CDH13: variants seen among roughly 807,000 people sequenced by gnomAD.
CDH13 encodes the protein cadherin-13.
A neutral mutation model predicts 63.8 loss-of-function variants in CDH13; 24 were observed. That is an observed-to-expected ratio of 0.38 (90% CI 0.27 to 0.53). The LOEUF is 0.53. Ranked by LOEUF, CDH13 falls within the 20% of genes least tolerant of loss-of-function variation. The probability of loss-of-function intolerance (pLI) is 0.85; values close to 1 mark genes in which losing one functional copy is unlikely to be tolerated. For synonymous variants in CDH13, 503 were observed against 355.3 expected (o/e 1.42, Z -4.67); for missense variants, 1,049 against 903.1 (o/e 1.16, Z -2.07).
chr16:83,795,322 T>C lies in CDH13; in HGVS notation c.*292T>C. ...CAGGAACAATGACTACTTTTTCTGG[T>C]GTGTTAACATGTCGCTAGCCAGTGC... On this transcript the variant is annotated 3_prime_UTR_variant, in exon 14 of 14. Transcript: ENST00000567109. 1 of 412,702 alleles carries C rather than the reference T, an allele frequency of 2.4e-6. No homozygotes were observed. The highest frequency in any genetic ancestry group is 4.4e-6 in the Non-Finnish European group (1 of 227,760). The allele number at this position is 412,702 out of a possible 1,614,324, so 25.6% of individuals were successfully genotyped here.
intron 6 of CDH13, among the ~76,000 whole-genome samples, chr16:83,433,360 C>T (rs2072185384): frequency 6.6e-6 from 1 of 152,156 alleles, no homozygotes; most frequent in Non-Finnish European, 1.5e-5. Context: ...TCCAATGAGT[C>T]AGCAAAAAAT....
At chr16:83,351,543 A>G (rs2090951924) in intron 6 of CDH13, among the ~76,000 whole-genome samples, 1 of 152,142 alleles carries the variant, frequency 6.6e-6, no homozygotes. Context: ...TCCTATGGAC[A>G]TTTTTGTAAA....
chr16:82,777,211 C>G (rs1252926313), intron 1 of CDH13, among the ~76,000 whole-genome samples: 1 of 152,196 alleles, frequency 6.6e-6, no homozygotes, highest in Non-Finnish European at 1.5e-5. Context: ...TCAAGCAATC[C>G]TCTCGCCTCC....
intron 10 of CDH13, chr16:83,740,092 CCAG>C (rs1911919107): frequency 6.6e-6 from 1 of 151,902 alleles, no homozygotes; most frequent in Non-Finnish European, 1.5e-5. Flanking sequence ...TGTGTTGAGA[CCAG>C]AAATAATTTA....
intron 6 of CDH13, among the ~76,000 whole-genome samples, chr16:83,404,629 A>G (rs2092015101): frequency 6.6e-6 from 1 of 152,206 alleles, no homozygotes; most frequent in Non-Finnish European, 1.5e-5. Context: ...ACACAAATAC[A>G]CACACCAAAT....
intron 6 of CDH13, among the ~76,000 whole-genome samples, chr16:83,421,325 T>C (rs748201913): frequency 1.3e-5 from 2 of 152,220 alleles, no homozygotes; most frequent in African/African-American, 2.4e-5. Flanking sequence ...AAACAATAAA[T>C]AAATGTAATT....
At chr16:82,847,288 C>T (rs2039301911) in intron 1 of CDH13, among the ~76,000 whole-genome samples, 1 of 152,280 alleles carries the variant, frequency 6.6e-6, no homozygotes, top group South Asian at 2.1e-4. Flanking sequence ...TTTTGAATGT[C>T]AGAAGTTCAA....
At chr16:82,992,002 A>C (rs563206215) in intron 2 of CDH13, among the ~76,000 whole-genome samples, 51 of 152,322 alleles carry the variant, frequency 3.3e-4, no homozygotes, top group African/African-American at 1.2e-3. Flanking sequence ...TGAGGAAATA[A>C]TTTCTAGCAA....
At chr16:83,349,139 G>A (rs2090899832) in intron 6 of CDH13, among the ~76,000 whole-genome samples, 2 of 152,218 alleles carry the variant, frequency 1.3e-5, no homozygotes, top group African/African-American at 4.8e-5. Context: ...AGGAAGATCA[G>A]CAGAACATAA....
intron 7 of CDH13, among the ~76,000 whole-genome samples, chr16:83,571,995 A>G (rs577184843): frequency 2.1e-3 from 326 of 152,264 alleles, no homozygotes; most frequent in South Asian, 5.6e-3. Flanking sequence ...TTTGTCATCT[A>G]TGAAGTGTGT....
intron 3 of CDH13, among the ~76,000 whole-genome samples, chr16:83,123,129 T>G (rs2035658752): frequency 6.6e-6 from 1 of 152,056 alleles, no homozygotes; most frequent in Non-Finnish European, 1.5e-5. Flanking sequence ...TTGAGTAGTA[T>G]TTTATGGCAT....
chr16:83,069,610 C>T (rs967025287), intron 3 of CDH13, among the ~76,000 whole-genome samples: 1 of 152,160 alleles, frequency 6.6e-6, no homozygotes, highest in Non-Finnish European at 1.5e-5. Context: ...TTACTAGAAT[C>T]TTATCTACTA....
intron 3 of CDH13, among the ~76,000 whole-genome samples, chr16:83,052,639 G>T (rs868060635): frequency 6.6e-6 from 1 of 151,932 alleles, no homozygotes; most frequent in Admixed American, 6.6e-5. Context: ...AATTAGCCAG[G>T]CATGGTGGTG....
At chr16:82,732,738 T>C (rs7498418) in intron 1 of CDH13, among the ~76,000 whole-genome samples, 2 of 152,176 alleles carry the variant, frequency 1.3e-5, no homozygotes, top group African/African-American at 4.8e-5. Flanking sequence ...CTATTATTCA[T>C]ACATATTTAC....
At position 82,665,124 on chromosome 16, in the gene CDH13, T is replaced by C. The variant is rs115898646; in HGVS notation, c.45+37987T>C. ...ACTAGGTGAGACTGCCTTCTTGTTT[T>C]AGCTTTCATACTACAAACAAATATC... On this transcript the variant is annotated intron_variant, in intron 1 of 13. Coordinates refer to ENST00000567109, the MANE Select transcript of CDH13 (RefSeq NM_001257.5). 2.6e-3 allele frequency among the ~76,000 whole-genome samples: 400 copies of C among 152,336 alleles called. 2 individuals are homozygous for C. Among genetic ancestry groups the C allele is most frequent in the African/African-American group, 9.2e-3 (383 of 41,582 alleles).
intron 7 of CDH13, among the ~76,000 whole-genome samples, chr16:83,596,463 T>A (rs563061525): frequency 6.6e-6 from 1 of 152,220 alleles, no homozygotes; most frequent in African/African-American, 2.4e-5. Flanking sequence ...GAGACAAACA[T>A]GACAAGTGGC....
intron 5 of CDH13, among the ~76,000 whole-genome samples, chr16:83,295,805 A>G (rs762213887): frequency 2.0e-5 from 3 of 152,176 alleles, no homozygotes; most frequent in African/African-American, 4.8e-5. Context: ...TGATTCAACA[A>G]TCTCACTAGG....
chr16:82,998,005 A>C (rs1181881832), intron 2 of CDH13, among the ~76,000 whole-genome samples: 1 of 152,208 alleles, frequency 6.6e-6, no homozygotes, highest in Admixed American at 6.5e-5. Context: ...GTTGTATTTC[A>C]TAAATAGAGA....
rs901479883 is a variant in CDH13 at position 82,782,567 on chromosome 16, T to A, written c.46-75795T>A. ...ACTCCATCTCAAAAAAAAAAAAAAA[T>A]AATAATAAACAAATGGATGCATGAA... On this transcript the variant is annotated intron_variant, in intron 1 of 13. Coordinates refer to ENST00000567109, the MANE Select transcript of CDH13 (RefSeq NM_001257.5). 1.5e-3 allele frequency among the ~76,000 whole-genome samples: 183 copies of A among 125,688 alleles called. 2 individuals carry two copies. In the East Asian group the frequency reaches 0.027, roughly 18 times the overall value. The allele number at this position is 125,688 out of a possible 152,430, so 82.5% of individuals were successfully genotyped here.
Sources: allele counts gnomAD v4.1 joint callset (sites outside exome capture counted in the v4.1 genomes callset), GRCh38; gene constraint gnomAD v4.1.1; transcripts MANE v1.5; gene names NCBI Gene and HGNC (gene_info 2026-07-23, HGNC 2026-07-21).